The following ZFYVE16 variants were observed in gnomAD, a reference collection of about 807,000 sequenced individuals.
ZFYVE16 encodes zinc finger FYVE-type containing 16.
ZFYVE16 carries 89 observed loss-of-function variants against 138.1 expected under a neutral mutation model. The observed-to-expected ratio is 0.64, with a 90% CI of 0.54 to 0.77. ZFYVE16 has a LOEUF of 0.77. Ranked by LOEUF, ZFYVE16 falls within the 30% of genes least tolerant of loss-of-function variation. The pLI is 0.00. For missense variants in ZFYVE16, 1,793 were observed against 1,786.7 expected, an observed-to-expected ratio of 1.00 and a Z score of -0.06; for synonymous variants, 596 against 618.3, an observed-to-expected ratio of 0.96 and a Z score of 0.53.
chr5:80,449,829 G>T lies in ZFYVE16; in HGVS notation c.3226+116G>T, dbSNP rs747335071. On this transcript the variant is annotated intron_variant, in intron 9 of 18. Coordinates refer to ENST00000505560, the MANE Select transcript of ZFYVE16 (RefSeq NM_001284236.3). ...GAAAAATAAGCAGGATTGGATATTG[G>T]TTTTTCAGCCACATATGACTGTAAA... The T allele has an allele frequency of 2.8e-4, 326 of 1,175,464 alleles. 1 individual carries two copies. Among genetic ancestry groups the T allele is most frequent in the Non-Finnish European group, 3.5e-4 (299 of 857,400 alleles). The allele number at this position is 1,175,464 out of a possible 1,614,324, so 72.8% of individuals were successfully genotyped here.
intron 5 of ZFYVE16, chr5:80,441,910 C>T: frequency 3.0e-6 from 3 of 985,278 alleles, no homozygotes; most frequent in African/African-American, 1.7e-5. Context: ...TGAAGAATCA[C>T]TCAGCAGTAT....
chr5:80,469,846 T>C (rs1251644002), intron 15 of ZFYVE16, among the ~76,000 whole-genome samples: 2 of 151,806 alleles, frequency 1.3e-5, no homozygotes, highest in Non-Finnish European at 2.9e-5. Context: ...CTATTAAGTC[T>C]CTCCTTTGGG....
At chr5:80,424,073 G>A (rs1019473405) in intron 1 of ZFYVE16, among the ~76,000 whole-genome samples, 3 of 151,516 alleles carry the variant, frequency 2.0e-5, no homozygotes, top group African/African-American at 7.3e-5. Flanking sequence ...AGCCTCCCGA[G>A]TAGCTGAGAT....
At chr5:80,427,753 A>G (rs1469568882) in intron 2 of ZFYVE16, among the ~76,000 whole-genome samples, 2 of 150,842 alleles carry the variant, frequency 1.3e-5, no homozygotes, top group Non-Finnish European at 3.0e-5. Context: ...GACGGGCAGA[A>G]GACTTGAGGT....
chr5:80,425,227 C>T (rs1049700101), intron 1 of ZFYVE16, among the ~76,000 whole-genome samples: 14 of 152,172 alleles, frequency 9.2e-5, no homozygotes, highest in African/African-American at 2.7e-4. Flanking sequence ...TTCTCTTCCT[C>T]GTCCCTCTGG....
At chr5:80,466,027 G>C (rs147832963) in intron 15 of ZFYVE16, among the ~76,000 whole-genome samples, 1 of 151,918 alleles carries the variant, frequency 6.6e-6, no homozygotes, top group African/African-American at 2.4e-5. Flanking sequence ...CTGGGTTCAA[G>C]AGATTCTCTT....
At chr5:80,452,078 A>G (rs1335786235) in intron 11 of ZFYVE16, 1 of 166,304 alleles carries the variant, frequency 6.0e-6, no homozygotes, top group African/African-American at 2.4e-5. Context: ...CCAGTTGAGC[A>G]TCCCAAATTC....
intron 1 of ZFYVE16, among the ~76,000 whole-genome samples, chr5:80,410,758 CAG>C (rs1307762217): frequency 6.6e-6 from 1 of 151,132 alleles, no homozygotes; most frequent in Non-Finnish European, 1.5e-5. Context: ...TTAGTAGAGA[CAG>C]GGTTTCACCA....
chr5:80,463,239 A>T (rs1333576061), intron 15 of ZFYVE16, among the ~76,000 whole-genome samples: 3 of 152,192 alleles, frequency 2.0e-5, no homozygotes, highest in Non-Finnish European at 4.4e-5. Flanking sequence ...TTCTGCCTGG[A>T]CATCCAGGCA....
intron 3 of ZFYVE16, among the ~76,000 whole-genome samples, chr5:80,435,365 C>T (rs1183430237): frequency 3.3e-5 from 5 of 152,008 alleles, no homozygotes; most frequent in Non-Finnish European, 1.5e-5. Flanking sequence ...GATGGGGTTT[C>T]ACCATGTTGG....
chr5:80,453,320 T>C (rs1752178547), intron 11 of ZFYVE16, among the ~76,000 whole-genome samples: 1 of 152,198 alleles, frequency 6.6e-6, no homozygotes, highest in Non-Finnish European at 1.5e-5. Context: ...GCCAAATGTT[T>C]CATCAATGCA....
At position 80,480,564 on chromosome 5, in the gene ZFYVE16, A is replaced by G. The variant is rs138281714; in HGVS notation, c.*3187A>G. Reference sequence around the variant, plus strand: ...GCAGAATTTTAAAAACTGATGAAAGACATGACCCCACACATTCTAGAAGCC... The same window carrying G: ...GCAGAATTTTAAAAACTGATGAAAGGCATGACCCCACACATTCTAGAAGCC... On this transcript the variant is annotated 3_prime_UTR_variant, in exon 19 of 19. Coordinates refer to ENST00000505560, the MANE Select transcript of ZFYVE16 (RefSeq NM_001284236.3). 5.3e-3 allele frequency among the ~76,000 whole-genome samples: 804 copies of G among 152,204 alleles called. 5 individuals are homozygous for G. The highest frequency in any genetic ancestry group is 0.018 in the African/African-American group (742 of 41,542).
chr5:80,426,272 G>GTGTGTGTATATATA (rs1370196862), intron 1 of ZFYVE16, among the ~76,000 whole-genome samples: 37 of 26,450 alleles, frequency 1.4e-3, no homozygotes, highest in African/African-American at 1.9e-3. Flanking sequence ...GTGTGTGTGT[G>GTGTGTGTATATATA]TATATATATA....
intron 1 of ZFYVE16, among the ~76,000 whole-genome samples, chr5:80,420,530 G>T (rs960587839): frequency 5.9e-5 from 9 of 152,096 alleles, no homozygotes; most frequent in African/African-American, 2.2e-4. Flanking sequence ...CCACCTATGA[G>T]TGAGAACATG....
rs1312059430 is a variant in ZFYVE16, at chr5:80,448,288, C to T, written c.2987C>T (p.Ser996Leu). The change falls in exon 8 of 19, where the codon TCA becomes TTA. Residue 996 changes from serine to leucine, a missense_variant. Ser to Leu is a moderately radical substitution (Grantham distance 145). This residue lies in a region of ZFYVE16 where 1,295 missense variants were observed against 1,204.3 expected (regional missense o/e 1.08). Transcript: ENST00000505560. ...VNSNLPIASI[S>L]DYRLLCDINK... ...AGCAATTTACCTATTGCTAGTATTT[C>T]AGATTATAGGTTACTGTGTGATATT... is the stretch of plus-strand genomic sequence containing the variant. 6.2e-7 allele frequency: 1 copy of T among 1,613,440 alleles called. No homozygotes were observed. Among genetic ancestry groups the T allele is most frequent in the South Asian group, 1.1e-5 (1 of 91,048 alleles).
At position 80,437,506 on chromosome 5, in the gene ZFYVE16, A is replaced by G. The variant is rs1750101198; in HGVS notation, c.821A>G (p.Asp274Gly). 1 of 1,612,978 alleles carries G rather than the reference A, an allele frequency of 6.2e-7. No homozygotes were observed. The highest frequency in any genetic ancestry group is 1.3e-5 in the African/African-American group (1 of 74,892). The change falls in exon 4 of 19, where the codon GAT becomes GGT. Residue 274 changes from aspartate to glycine, a missense_variant. This residue lies in a region of ZFYVE16 where 1,295 missense variants were observed against 1,204.3 expected (regional missense o/e 1.08). Coordinates refer to ENST00000505560, the MANE Select transcript of ZFYVE16 (RefSeq NM_001284236.3). Reference sequence around the variant, plus strand: ...AGCCAGCCATGTGGATTACTAAAAGATGTTGGCTTAGTAAAAGAGGAAGTA... The same window carrying G: ...AGCCAGCCATGTGGATTACTAAAAGGTGTTGGCTTAGTAAAAGAGGAAGTA... ...HKSQPCGLLK[D>G]VGLVKEEVDV...
In ZFYVE16 at chr5:80,439,986, A is replaced by G; in HGVS notation, c.2373A>G (p.Glu791=). The change falls in exon 5 of 19, where the codon GAA becomes GAG. Residue 791 remains glutamate, a synonymous_variant. Transcript: ENST00000505560. ...CNRKCKLQYL[E]KEARVCVVCY... ...GGAAGTGTAAACTGCAATATCTAGA[A>G]AAGGAAGCAAGAGTATGTGTAGTCT... 2 of 1,611,760 alleles carry G rather than the reference A, an allele frequency of 1.2e-6. No individual in the cohort carries two copies. Among genetic ancestry groups the G allele is most frequent in the Non-Finnish European group, 8.5e-7 (1 of 1,178,842 alleles).
intron 5 of ZFYVE16, chr5:80,441,463 A>T: frequency 4.1e-6 from 4 of 985,340 alleles, no homozygotes; most frequent in Non-Finnish European, 4.8e-6. Flanking sequence ...TTTGTCATTA[A>T]TTCATATGCC....
rs755323770 is a variant in ZFYVE16, at chr5:80,437,367, A to G, written c.682A>G (p.Lys228Glu). The G allele has an allele frequency of 4.3e-5, 69 of 1,603,618 alleles. No homozygotes were observed. In the South Asian group the frequency reaches 5.1e-4, roughly 12 times the overall value. Residue 228 changes from lysine (K) to glutamate (E), a missense_variant, in exon 4 of 19, where the codon AAA (lysine) becomes GAA (glutamate). Lys to Glu is a moderately conservative substitution (Grantham distance 56). Around this residue, in one of 2 missense-constraint regions of ZFYVE16, gnomAD observed 1,295 missense variants for 1,204.3 expected, o/e 1.08. Transcript: ENST00000505560. ...TAATTACAGTGGAACAGAAAATTTA[A>G]AAGATAAAAAGATCTTTAATCAGTT... ...SYNYSGTENL[K>E]DKKIFNQLES...
Sources: gnomAD v4.1 joint callset for allele counts (sites outside exome capture counted in the v4.1 genomes callset) on GRCh38, gnomAD v4.1.1 for gene constraint, gnomAD v4.1.1 regional missense constraint, MANE v1.5 for transcripts, NCBI Gene and HGNC (gene_info 2026-07-23, HGNC 2026-07-21) for gene names.